The following HAL variants were observed in gnomAD, a reference collection of about 807,000 sequenced individuals.
HAL encodes histidine ammonia-lyase, also known as histidase.
Under a neutral mutation model 81.1 loss-of-function variants are expected in HAL, and 85 were observed. The ratio of observed to expected loss-of-function variants is 1.05; its 90% CI spans 0.88 to 1.25. The LOEUF (loss-of-function observed/expected upper bound fraction) is 1.25. HAL is among the 50% of genes most tolerant of loss of function. The pLI, the probability that HAL is intolerant of heterozygous loss-of-function variation, is 0.00. For missense variants in HAL, 798 were observed against 836.6 expected (o/e 0.95, Z 0.57); for synonymous variants, 301 against 309.2 (o/e 0.97, Z 0.28).
intron 17 of HAL, among the ~76,000 whole-genome samples, chr12:95,978,700 G>A (rs1329596888): frequency 6.6e-6 from 1 of 152,162 alleles, no homozygotes; most frequent in African/African-American, 2.4e-5. Flanking sequence ...AAATTCTGCT[G>A]TTCTAACGAG....
chr12:95,980,780 C>A lies in HAL; in HGVS notation c.1353+18G>T. ...TGAAATGTGCCTTCTGGGTCAGGAGCAGTTTTAAAAAGCTTACTTTGGCTG... is the reference window on the plus strand; with the variant it reads ...TGAAATGTGCCTTCTGGGTCAGGAGAAGTTTTAAAAAGCTTACTTTGGCTG... On this transcript the variant is annotated intron_variant, in intron 16 of 20. Transcript: ENST00000261208. 2.5e-6 allele frequency: 4 copies of A among 1,591,584 alleles called. No individual in the cohort carries two copies. The highest frequency in any genetic ancestry group is 3.4e-6 in the Non-Finnish European group (4 of 1,159,730).
At chr12:95,993,389 T>G (rs1949995145) in intron 8 of HAL, 62 bp downstream of exon 8, 1 of 1,014,528 alleles carries the variant, frequency 9.9e-7, no homozygotes, top group Non-Finnish European at 1.6e-6. Flanking sequence ...TAACTCACAC[T>G]GTGCTGTGCT....
chr12:95,993,622 T>C (rs764526903), intron 7 of HAL, 134 bp from the exon 8 acceptor site: 4 of 848,560 alleles, frequency 4.7e-6, no homozygotes, highest in Non-Finnish European at 8.1e-6. Flanking sequence ...CCAGCCAGCC[T>C]GGGTTTTCAA....
At position 95,985,921 on chromosome 12, in the gene HAL, C is replaced by T. The variant is rs754976881; in HGVS notation, c.1193G>A (p.Arg398His). The T allele has an allele frequency of 6.8e-6, 11 of 1,609,300 alleles. No homozygotes were observed. The highest frequency in any genetic ancestry group is 2.7e-5 in the African/African-American group (2 of 74,450). The change falls in exon 14 of 21, where the codon CGC (arginine) becomes CAC (histidine). Residue 398 changes from arginine to histidine, a missense_variant. By Grantham distance (29) the Arg-to-His change is conservative. Coordinates refer to ENST00000261208, the MANE Select transcript of HAL (RefSeq NM_002108.4). ...TCTTTATTTTACCTGTGGACAGCAGCGCAAGGTGTATGCATCCTGGACGCG... is the reference window on the plus strand; with the variant it reads ...TCTTTATTTTACCTGTGGACAGCAGTGCAAGGTGTATGCATCCTGGACGCG... ...CDRVQDAYTL[R>H]CCPQVHGVVN...
Position 95,995,820 on chromosome 12 carries a change from C to T in HAL, c.91G>A (p.Ala31Thr), listed in dbSNP as rs200378454. 13 of 1,612,246 alleles carry T rather than the reference C, an allele frequency of 8.1e-6. No homozygotes were observed. In the South Asian group the frequency reaches 1.2e-4, roughly 15 times the overall value. ...QLTVGWLGRE[A>T]VRRYIKNKPD... The stretch of plus-strand genomic sequence containing the variant: ...TTATTCTTGATATAGCGCCTCACGG[C>T]CTCCCGGCCCAGCCAGCCCACAGTG... Residue 31 changes from alanine to threonine, a missense_variant, in exon 2 of 21, where the codon GCC (alanine) becomes ACC (threonine). Ala to Thr is a moderately conservative substitution (Grantham distance 58). Transcript: ENST00000261208.
chr12:95,985,842 T>A, intron 14 of HAL, 66 bp downstream of exon 14: 1 of 1,090,484 alleles, frequency 9.2e-7, no homozygotes. Context: ...TTTTTCATCC[T>A]GAACCTGGGG....
At chr12:95,985,458 C>T (rs1162601760) in intron 14 of HAL, among the ~76,000 whole-genome samples, 1 of 151,908 alleles carries the variant, frequency 6.6e-6, no homozygotes, top group Non-Finnish European at 1.5e-5. Flanking sequence ...GGCATGGTGG[C>T]ACATGCCTGT....
rs143854097 is a variant in HAL, at chr12:95,994,812, G to A, written c.322C>T (p.Arg108Trp). Residue 108 changes from arginine to tryptophan, a missense_variant, in exon 4 of 21, where the codon CGG becomes TGG. By Grantham distance (101) the Arg-to-Trp change is moderately radical. Coordinates refer to ENST00000261208, the MANE Select transcript of HAL (RefSeq NM_002108.4). ...TTGAAGCTTACCTTTTCAGGCTCCC[G>A]GTACTTGCTGTATCTGTATCCAGGT... Reference protein sequence around the residue: ...PEGVYLYSKYREPEKYIELDG... With the variant: ...PEGVYLYSKYWEPEKYIELDG... 1,848 of 1,613,976 alleles carry A rather than the reference G, an allele frequency of 1.1e-3. 3 individuals carry two copies. Among genetic ancestry groups the A allele is most frequent in the Non-Finnish European group, 1.5e-3 (1,718 of 1,179,868 alleles).
chr12:95,990,643 T>TGC, intron 9 of HAL, 111 bp from the exon 10 acceptor site: 2 of 849,246 alleles, frequency 2.4e-6, no homozygotes, highest in Non-Finnish European at 4.1e-6. Context: ...CCAATATCTA[T>TGC]CACTTTATGG....
chr12:95,995,643 C>G (rs1358788437), intron 2 of HAL, 21 bp downstream of exon 2: 1 of 1,612,410 alleles, frequency 6.2e-7, no homozygotes, highest in African/African-American at 1.3e-5. Flanking sequence ...CCGTTCGCGG[C>G]CCTCTCCTGC....
At chr12:95,977,664 GA>G (rs997877990) in intron 18 of HAL, among the ~76,000 whole-genome samples, 1 of 113,864 alleles carries the variant, frequency 8.8e-6, no homozygotes, top group Non-Finnish European at 1.8e-5. Flanking sequence ...AAAAAAAAGA[GA>G]AAAAAAAAGC....
In HAL at chr12:95,972,894, A is replaced by C. The variant is rs1485785692; in HGVS notation, c.*1338T>G. The C allele has an allele frequency of 1.3e-5, 2 of 152,224 alleles. No homozygotes were observed. Among genetic ancestry groups the C allele is most frequent in the African/African-American group, 2.4e-5 (1 of 41,472 alleles). 9.4% of individuals were successfully genotyped at this position (152,224 alleles called of 1,614,324 possible). A position where few individuals can be genotyped will look rare whatever the true frequency, so the allele number is the denominator to read the frequency against. On this transcript the variant is annotated 3_prime_UTR_variant, in exon 21 of 21. Coordinates refer to ENST00000261208, the MANE Select transcript of HAL (RefSeq NM_002108.4). ...CCACGGATGACAATGCACAAACCTC[A>C]TTTGTGTGTGTTCACATTTTGACAA... is the stretch of plus-strand genomic sequence containing the variant.
chr12:95,992,718 G>A lies in HAL; in HGVS notation c.677C>T (p.Ser226Phe), dbSNP rs777082267. The change falls in exon 9 of 21, where the codon TCC (serine) becomes TTC (phenylalanine). Residue 226 changes from serine to phenylalanine, a missense_variant. Ser to Phe is a radical substitution (Grantham distance 155, BLOSUM62 -2). Transcript: ENST00000261208. ...TATGACTTGTTTGAGGGTCTCCAGG[G>A]AAATGCCACTGTATCCTTTGGCTAA... ...NVLAKGYSGISLETLKQVIEM... is the reference protein window; with the variant it reads ...NVLAKGYSGIFLETLKQVIEM... 1.9e-6 allele frequency: 3 copies of A among 1,612,920 alleles called. No homozygotes were observed. The highest frequency in any genetic ancestry group is 1.7e-4 in the Middle Eastern group (1 of 6,058).
chr12:95,987,937 G>T (rs1053825036), intron 11 of HAL, among the ~76,000 whole-genome samples: 1 of 151,840 alleles, frequency 6.6e-6, no homozygotes, highest in African/African-American at 2.4e-5. Context: ...ATGTTGCCCA[G>T]GCTGGTCTCA....
rs185963433 is a variant in HAL, at chr12:95,978,005, G to A, written c.1593C>T (p.His531=). ...SLSTSAATED[H]VSMGGWAARK... is the part of the protein sequence containing the mutation. ...TTGCTGCCCATCCTCCCATGGAGAC[G>A]TGGTCCTCCGTGGCTGCGCTGGTGG... The change falls in exon 18 of 21, where the codon CAC becomes CAT. Residue 531 remains histidine (H), a synonymous_variant. Transcript: ENST00000261208. 2.0e-5 allele frequency: 32 copies of A among 1,612,884 alleles called. No individual in the cohort carries two copies. The Admixed American group carries it at 2.2e-4, about 11-fold the overall frequency.
chr12:95,993,860 T>C, intron 6 of HAL, 22 bp from the exon 7 acceptor site: 3 of 1,469,250 alleles, frequency 2.0e-6, no homozygotes, highest in Non-Finnish European at 2.9e-6. Flanking sequence ...AGAGACATTA[T>C]GCAATTAAAT....
At chr12:95,992,551 G>A (rs543967493) in intron 9 of HAL, 129 bp downstream of exon 9, 6 of 823,014 alleles carry the variant, frequency 7.3e-6, no homozygotes, top group Non-Finnish European at 1.2e-5. Context: ...TTTTGCCAAC[G>A]GCATTTCCCA....
rs192375903 is a variant in HAL, at chr12:95,984,736, C to A, written c.1207-745G>T. Among the ~76,000 whole-genome samples the A allele has an allele frequency of 1.1e-3, 170 of 152,304 alleles. 1 individual carries two copies. Among genetic ancestry groups the A allele is most frequent in the African/African-American group, 4.0e-3 (165 of 41,548 alleles). ...TAAATGAAAGACAGTGATAATGGTGCCTGTCACATAGAATCTGCTATCGTT... is the reference window on the plus strand; with the variant it reads ...TAAATGAAAGACAGTGATAATGGTGACTGTCACATAGAATCTGCTATCGTT... On this transcript the variant is annotated intron_variant, in intron 14 of 20. Transcript: ENST00000261208.
In HAL at chr12:95,976,364, C is replaced by T. The variant is rs184622432; in HGVS notation, c.1833+65G>A. 3.5e-3 allele frequency: 4,338 copies of T among 1,242,970 alleles called. 23 individuals carry two copies. Among genetic ancestry groups the T allele is most frequent in the Middle Eastern group, 7.5e-3 (39 of 5,182 alleles). The allele number at this position is 1,242,970 out of a possible 1,614,324, so 77.0% of individuals were successfully genotyped here. A position where few individuals can be genotyped will look rare whatever the true frequency, so the allele number is the denominator to read the frequency against. ...AACAATAGAATAAGGCAATGTTTCTCCATCCCCGACTTTGCTTTCCTGTAA... is the reference window on the plus strand; with the variant it reads ...AACAATAGAATAAGGCAATGTTTCTTCATCCCCGACTTTGCTTTCCTGTAA... On this transcript the variant is annotated intron_variant, in intron 20 of 20. Coordinates refer to ENST00000261208, the MANE Select transcript of HAL (RefSeq NM_002108.4).
Sources: gnomAD v4.1 joint callset for allele counts (sites outside exome capture counted in the v4.1 genomes callset) on GRCh38, gnomAD v4.1.1 for gene constraint, MANE v1.5 for transcripts, NCBI Gene and HGNC (gene_info 2026-07-23, HGNC 2026-07-21) for gene names.